The following C21orf91 variants were observed in gnomAD, a reference collection of about 807,000 sequenced individuals.
The protein encoded by C21orf91 is chromosome 21 open reading frame 91, also known as protein EURL homolog.
In C21orf91, 26 loss-of-function variants were observed where a neutral mutation model predicts 32.9. The ratio of observed to expected loss-of-function variants is 0.79; its 90% CI spans 0.58 to 1.10. The LOEUF (loss-of-function observed/expected upper bound fraction) is 1.10, where lower values mean the gene tolerates loss of function less well. Ranked by LOEUF, C21orf91 falls within the 50% of genes least tolerant of loss-of-function variation. The pLI is 0.00. For missense variants in C21orf91, 310 were observed against 341.3 expected (o/e 0.91, Z 0.72); for synonymous variants, 126 against 120.4 (o/e 1.05, Z -0.31).
intron 2 of C21orf91, among the ~76,000 whole-genome samples, chr21:17,807,823 TC>T (rs2062608135): frequency 6.6e-6 from 1 of 152,188 alleles, no homozygotes; most frequent in African/African-American, 2.4e-5. Flanking sequence ...GGAAGAAATT[TC>T]TAAGCAGTAA....
chr21:17,799,252 A>G (rs2062542655), intron 2 of C21orf91, among the ~76,000 whole-genome samples: 1 of 152,196 alleles, frequency 6.6e-6, no homozygotes, highest in African/African-American at 2.4e-5. Context: ...ATAGATATCT[A>G]TTTGAAGAAT....
In C21orf91 at chr21:17,797,032, C is replaced by A. The variant is rs1205176538; in HGVS notation, c.214G>T (p.Gly72Cys). The A allele has an allele frequency of 6.2e-7, 1 of 1,611,958 alleles. No individual in the cohort carries two copies. Among genetic ancestry groups the A allele is most frequent in the Non-Finnish European group, 8.5e-7 (1 of 1,178,260 alleles). The change falls in exon 3 of 5, where the codon GGT becomes TGT. Residue 72 changes from glycine (G) to cysteine (C), a missense_variant. Transcript: ENST00000284881. Reference sequence around the variant, plus strand: ...TTTGAAAGCTTAGATCGAGGACAACCCTGGTTTGCAATTAAATGGTATTTT... The same window carrying A: ...TTTGAAAGCTTAGATCGAGGACAACACTGGTTTGCAATTAAATGGTATTTT... ...FEKYHLIANQ[G>C]CPRSKLSKST...
chr21:17,807,920 T>G (rs1345968087), intron 2 of C21orf91, among the ~76,000 whole-genome samples: 1 of 152,162 alleles, frequency 6.6e-6, no homozygotes, highest in African/African-American at 2.4e-5. Flanking sequence ...GAACTTATAT[T>G]TAAAAGGGTA....
rs768048375 is a variant in C21orf91, at chr21:17,790,859, A to G, written c.*2556T>C. On this transcript the variant is annotated 3_prime_UTR_variant, in exon 5 of 5. Coordinates refer to ENST00000284881, the MANE Select transcript of C21orf91 (RefSeq NM_001100420.2). ...AAAACTCAATTTAACGTGTCAAATT[A>G]TAAAACTGAACGTGAAAAAGATTTG... is the stretch of plus-strand genomic sequence containing the variant. 8.5e-5 allele frequency: 13 copies of G among 152,162 alleles called. No homozygotes were observed. Among genetic ancestry groups the G allele is most frequent in the Non-Finnish European group, 1.8e-4 (12 of 67,960 alleles). 9.4% of individuals were successfully genotyped at this position (152,162 alleles called of 1,614,324 possible).
chr21:17,799,506 T>C (rs2062544566), intron 2 of C21orf91, among the ~76,000 whole-genome samples: 1 of 152,118 alleles, frequency 6.6e-6, no homozygotes, highest in South Asian at 2.1e-4. Context: ...CCCAGAGGTT[T>C]TGCTGACCGT....
intron 3 of C21orf91, 146 bp from the exon 4 acceptor site, chr21:17,795,416 G>A (rs548521155): frequency 4.8e-6 from 3 of 630,420 alleles, no homozygotes; most frequent in East Asian, 5.5e-5. Flanking sequence ...AACCATTAAC[G>A]CTCGTAAGTG....
At chr21:17,810,180 T>C (rs1242368971) in intron 2 of C21orf91, among the ~76,000 whole-genome samples, 2 of 152,236 alleles carry the variant, frequency 1.3e-5, no homozygotes, top group African/African-American at 2.4e-5. Flanking sequence ...ACATTTTTCA[T>C]GTCTTGCCTT....
intron 2 of C21orf91, among the ~76,000 whole-genome samples, chr21:17,811,716 A>C (rs1488466057): frequency 6.6e-6 from 1 of 152,166 alleles, no homozygotes; most frequent in African/African-American, 2.4e-5. Context: ...ATTTCTTTTC[A>C]TCTCTGTTAG....
In C21orf91 at chr21:17,790,999, C is replaced by A. The variant is rs2062469364; in HGVS notation, c.*2416G>T. The A allele has an allele frequency of 6.6e-6, 1 of 151,994 alleles. No individual in the cohort carries two copies. 9.4% of individuals were successfully genotyped at this position (151,994 alleles called of 1,614,324 possible). A position where few individuals can be genotyped will look rare whatever the true frequency, so the allele number is the denominator to read the frequency against. On this transcript the variant is annotated 3_prime_UTR_variant, in exon 5 of 5. Coordinates refer to ENST00000284881, the MANE Select transcript of C21orf91 (RefSeq NM_001100420.2). ...CATGAGATATGCTTCAAAACATTCT[C>A]AAAAATTACTAACAACTGTAGAGAA... is the stretch of plus-strand genomic sequence containing the variant.
At chr21:17,804,211 T>C (rs2062580932) in intron 2 of C21orf91, among the ~76,000 whole-genome samples, 1 of 152,236 alleles carries the variant, frequency 6.6e-6, no homozygotes, top group Admixed American at 6.5e-5. Context: ...TTATTATCTA[T>C]TGCCAAGCAC....
intron 3 of C21orf91, among the ~76,000 whole-genome samples, chr21:17,795,846 G>C (rs147223300): frequency 1.3e-5 from 2 of 152,158 alleles, no homozygotes; most frequent in Admixed American, 6.5e-5. Context: ...AAAAATAGTA[G>C]TAGGTCCAAT....
chr21:17,797,099 G>A lies in C21orf91; in HGVS notation c.147C>T (p.Leu49=). ...LNIEGVPKSD[L]LHTKSLRGHK... ...GGCCCCTTAATGATTTGGTGTGCAA[G>A]AGATCAGACTTTGGTACCCCTATGG... The change falls in exon 3 of 5, where the codon CTC becomes CTT. Residue 49 remains leucine (L), a synonymous_variant. Transcript: ENST00000284881. 6.3e-7 allele frequency: 1 copy of A among 1,594,358 alleles called. No homozygotes were observed. The highest frequency in any genetic ancestry group is 1.1e-5 in the South Asian group (1 of 88,374).
chr21:17,811,734 G>A (rs1226553209), intron 2 of C21orf91, among the ~76,000 whole-genome samples: 2 of 151,836 alleles, frequency 1.3e-5, no homozygotes, highest in Non-Finnish European at 2.9e-5. Flanking sequence ...TAGACTATTG[G>A]GATAAATGAA....
chr21:17,805,094 T>C (rs191046008), intron 2 of C21orf91, among the ~76,000 whole-genome samples: 13 of 152,360 alleles, frequency 8.5e-5, no homozygotes, highest in African/African-American at 3.1e-4. Flanking sequence ...AACTGAGCTA[T>C]GCAATAAGGT....
At chr21:17,794,223 T>A in intron 4 of C21orf91, among the ~76,000 whole-genome samples, 1 of 152,242 alleles carries the variant, frequency 6.6e-6, no homozygotes, top group East Asian at 1.9e-4. Flanking sequence ...GATCTGCTAC[T>A]GATTGGATGC....
At chr21:17,805,321 T>A (rs2062587270) in intron 2 of C21orf91, among the ~76,000 whole-genome samples, 1 of 152,110 alleles carries the variant, frequency 6.6e-6, no homozygotes, top group South Asian at 2.1e-4. Context: ...ACTGACTGAT[T>A]GATTGATTTT....
In C21orf91 at chr21:17,795,865, G is replaced by GT. The variant is rs1442773251; in HGVS notation, c.665-596dup. Reference sequence around the variant, plus strand: ...ATAGTAGTAGGTCCAATGAATTCTGGTATCTCCTATTCGGTTTCAGTTTTT... The same window carrying GT: ...ATAGTAGTAGGTCCAATGAATTCTGGTTATCTCCTATTCGGTTTCAGTTTTT... On this transcript the variant is annotated intron_variant, in intron 3 of 4. Coordinates refer to ENST00000284881, the MANE Select transcript of C21orf91 (RefSeq NM_001100420.2). 4.6e-5 allele frequency among the ~76,000 whole-genome samples: 7 copies of GT among 152,208 alleles called. No individual in the cohort carries two copies. In the South Asian group the frequency reaches 1.2e-3, roughly 27 times the overall value.
chr21:17,795,771 C>A (rs1049315431), intron 3 of C21orf91, among the ~76,000 whole-genome samples: 2 of 152,144 alleles, frequency 1.3e-5, no homozygotes, highest in African/African-American at 4.8e-5. Flanking sequence ...CTGTGCCTGG[C>A]CAGAAACATA....
chr21:17,804,176 G>T (rs1475867318), intron 2 of C21orf91, among the ~76,000 whole-genome samples: 1 of 152,170 alleles, frequency 6.6e-6, no homozygotes, highest in African/African-American at 2.4e-5. Flanking sequence ...CAGTAGCCAA[G>T]CCATAATTCA....
Sources: allele counts gnomAD v4.1 joint callset (sites outside exome capture counted in the v4.1 genomes callset), GRCh38; gene constraint gnomAD v4.1.1; transcripts MANE v1.5; gene names NCBI Gene and HGNC (gene_info 2026-07-23, HGNC 2026-07-21).